Variants in SPTLC1 observed in about 807,000 individuals in gnomAD.
The protein encoded by SPTLC1 is serine palmitoyltransferase long chain base subunit 1, also known as serine palmitoyltransferase 1.
Under a neutral mutation model 68.9 loss-of-function variants are expected in SPTLC1, and 55 were observed. The ratio of observed to expected loss-of-function variants is 0.80; its 90% CI spans 0.64 to 1.00. SPTLC1 has a LOEUF of 1.00. Ranked by LOEUF, SPTLC1 falls within the 50% of genes least tolerant of loss-of-function variation. SPTLC1 has a pLI of 0.00. For missense variants in SPTLC1, 449 were observed against 573.1 expected, an observed-to-expected ratio of 0.78 and a Z score of 2.21; for synonymous variants, 197 against 201.6, an observed-to-expected ratio of 0.98 and a Z score of 0.19.
At chr9:92,102,107 A>T (rs1016881037) in intron 3 of SPTLC1, among the ~76,000 whole-genome samples, 3 of 152,234 alleles carry the variant, frequency 2.0e-5, no homozygotes, top group African/African-American at 7.2e-5. Flanking sequence ...GAAACCTTGA[A>T]GGCTAGGAAA....
chr9:92,089,526 C>G (rs542907289), intron 3 of SPTLC1, among the ~76,000 whole-genome samples: 1 of 152,140 alleles, frequency 6.6e-6, no homozygotes, highest in African/African-American at 2.4e-5. Context: ...ATTAAATACC[C>G]CATCAGACAC....
chr9:92,106,139 TGAG>T (rs1280794212), intron 3 of SPTLC1, among the ~76,000 whole-genome samples: 1 of 152,106 alleles, frequency 6.6e-6, no homozygotes, highest in Non-Finnish European at 1.5e-5. Context: ...ATCTGGGAAG[TGAG>T]GAGCGTCTCT....
At chr9:92,048,406 T>C (rs1202596005) in intron 9 of SPTLC1, among the ~76,000 whole-genome samples, 3 of 152,188 alleles carry the variant, frequency 2.0e-5, no homozygotes, top group Non-Finnish European at 4.4e-5. Context: ...ACAGCTAGTG[T>C]TTTCCTTAGT....
At chr9:92,098,363 C>T (rs1353648031) in intron 3 of SPTLC1, among the ~76,000 whole-genome samples, 2 of 152,066 alleles carry the variant, frequency 1.3e-5, no homozygotes, top group Admixed American at 6.5e-5. Context: ...TGGCACAGCG[C>T]GACTTCCCTG....
At chr9:92,085,738 T>C (rs990931523) in intron 3 of SPTLC1, among the ~76,000 whole-genome samples, 1 of 152,136 alleles carries the variant, frequency 6.6e-6, no homozygotes, top group Non-Finnish European at 1.5e-5. Flanking sequence ...GGTGGAGAGT[T>C]CTGTAGATGT....
intron 5 of SPTLC1, among the ~76,000 whole-genome samples, chr9:92,074,459 T>C (rs1229168399): frequency 6.6e-6 from 1 of 151,866 alleles, no homozygotes; most frequent in Non-Finnish European, 1.5e-5. Flanking sequence ...TTTATCCAAT[T>C]CCAAACCTCC....
At chr9:92,073,597 C>T (rs566360097) in intron 5 of SPTLC1, among the ~76,000 whole-genome samples, 1 of 152,258 alleles carries the variant, frequency 6.6e-6, no homozygotes, top group African/African-American at 2.4e-5. Flanking sequence ...CAGCACCAAA[C>T]CCTGAAGGGA....
intron 1 of SPTLC1, among the ~76,000 whole-genome samples, chr9:92,112,899 G>A (rs2118841551): frequency 6.6e-6 from 1 of 152,244 alleles, no homozygotes; most frequent in East Asian, 1.9e-4. Flanking sequence ...CCTGAGGGCG[G>A]GAGTTTGAGA....
chr9:92,102,121 G>A (rs563866057), intron 3 of SPTLC1, among the ~76,000 whole-genome samples: 1 of 152,338 alleles, frequency 6.6e-6, no homozygotes, highest in South Asian at 2.1e-4. Flanking sequence ...TAGGAAAGAT[G>A]AGGATGATAT....
At chr9:92,087,923 T>C (rs1835213699) in intron 3 of SPTLC1, among the ~76,000 whole-genome samples, 1 of 152,262 alleles carries the variant, frequency 6.6e-6, no homozygotes, top group Admixed American at 6.5e-5. Flanking sequence ...CCGGCTGCTT[T>C]GTTTACCTAA....
rs1364996429 is a variant in SPTLC1, at chr9:92,045,525, A to T, written c.1136+474T>A. Among the ~76,000 whole-genome samples, 20 of 50,994 alleles carry T rather than the reference A, an allele frequency of 3.9e-4. No individual in the cohort carries two copies. The African/African-American group carries it at 4.3e-3, about 11-fold the overall frequency. The allele number at this position is 50,994 out of a possible 152,430, so 33.5% of individuals were successfully genotyped here. On this transcript the variant is annotated intron_variant, in intron 12 of 14. Coordinates refer to ENST00000262554, the MANE Select transcript of SPTLC1 (RefSeq NM_006415.4). ...AAAAAAAAAGTGACTCTTGTGTAGT[A>T]AAAAAAAAAAAAAAAAAAAAAAAAA...
chr9:92,100,728 G>A (rs62568694), intron 3 of SPTLC1, among the ~76,000 whole-genome samples: 13 of 150,804 alleles, frequency 8.6e-5, no homozygotes, highest in Admixed American at 4.6e-4. Context: ...TGACACCGCC[G>A]CCTTCTCCCC....
intron 12 of SPTLC1, among the ~76,000 whole-genome samples, chr9:92,041,928 A>G (rs1328423210): frequency 1.3e-5 from 2 of 152,172 alleles, no homozygotes; most frequent in Non-Finnish European, 2.9e-5. Context: ...AAGGCCTTCA[A>G]ATTTAGGAAT....
intron 7 of SPTLC1, 94 bp downstream of exon 7, chr9:92,059,085 A>C: frequency 6.9e-7 from 1 of 1,457,408 alleles, no homozygotes; most frequent in Admixed American, 1.9e-5. Flanking sequence ...TGTGATCCAC[A>C]GGCAAGTTTT....
rs990004794 is a variant in SPTLC1, at chr9:92,059,347, G to T, written c.561-39C>A. On this transcript the variant is annotated intron_variant, in intron 6 of 14. Coordinates refer to ENST00000262554, the MANE Select transcript of SPTLC1 (RefSeq NM_006415.4). ...AGATCCACCAAATTGGGTTTAAAGGGTCTTGTCAACATTCTCAAAAAGGAA... is the reference window on the plus strand; with the variant it reads ...AGATCCACCAAATTGGGTTTAAAGGTTCTTGTCAACATTCTCAAAAAGGAA... 22 of 1,611,790 alleles carry T rather than the reference G, an allele frequency of 1.4e-5. 1 individual carries two copies. The highest frequency in any genetic ancestry group is 3.3e-4 in the Middle Eastern group (2 of 6,056).
At chr9:92,081,229 A>C (rs1054661068) in intron 3 of SPTLC1, among the ~76,000 whole-genome samples, 7 of 152,268 alleles carry the variant, frequency 4.6e-5, no homozygotes, top group Non-Finnish European at 1.0e-4. Context: ...AATGAATGGC[A>C]AATCTTAAAT....
At chr9:92,079,440 A>G in intron 5 of SPTLC1, 2 of 1,596,450 alleles carry the variant, frequency 1.3e-6, no homozygotes, top group Non-Finnish European at 1.7e-6. Flanking sequence ...CAACCATAAA[A>G]TGCCGGTCTT....
intron 4 of SPTLC1, 25 bp downstream of exon 4, chr9:92,080,845 C>G: frequency 6.5e-7 from 1 of 1,537,858 alleles, no homozygotes; most frequent in East Asian, 2.2e-5. Context: ...GTTATCTGTC[C>G]ACTTCAGCAA....
chr9:92,083,253 C>A (rs1834965177), intron 3 of SPTLC1, among the ~76,000 whole-genome samples: 1 of 152,156 alleles, frequency 6.6e-6, no homozygotes, highest in Middle Eastern at 3.2e-3. Flanking sequence ...AATTAGATCC[C>A]ATTTGTCAAT....
Sources: gnomAD v4.1 joint callset for allele counts (sites outside exome capture counted in the v4.1 genomes callset) on GRCh38, gnomAD v4.1.1 for gene constraint, MANE v1.5 for transcripts, NCBI Gene and HGNC (gene_info 2026-07-23, HGNC 2026-07-21) for gene names.